The following GABRA3 variants were observed in gnomAD, a reference collection of about 807,000 sequenced individuals.
GABRA3 encodes gamma-aminobutyric acid receptor subunit alpha-3.
Under a neutral mutation model 30.1 loss-of-function variants are expected in GABRA3, and 10 were observed. That is an observed-to-expected ratio of 0.33 (90% CI 0.20 to 0.56). The LOEUF is 0.56. Among genes scored for constraint, GABRA3 ranks in the 20% least tolerant of loss-of-function variants. The pLI, the probability that GABRA3 is intolerant of heterozygous loss-of-function variation, is 0.89. For synonymous variants in GABRA3, 151 were observed against 146.8 expected (o/e 1.03, Z -0.21); for missense variants, 233 against 392.0 (o/e 0.59, Z 3.42).
At chrX:152,391,172 T>C (rs1227740335) in intron 1 of GABRA3, among the ~76,000 whole-genome samples, 1 of 111,775 alleles carries the variant, frequency 8.9e-6, no homozygotes, top group Non-Finnish European at 1.9e-5. Context: ...CACGATACTG[T>C]CAAAATTAAC....
chrX:152,393,444 C>T (rs764083842), intron 1 of GABRA3: 1 of 379,727 alleles, frequency 2.6e-6, no homozygotes, highest in African/African-American at 2.6e-5. Context: ...AAGGTTCCTG[C>T]TCAGAAACCA....
intron 1 of GABRA3, among the ~76,000 whole-genome samples, chrX:152,380,622 G>A (rs1176797485): frequency 8.9e-6 from 1 of 111,793 alleles, no homozygotes; most frequent in East Asian, 2.8e-4. Context: ...ACCCACAAGT[G>A]AGGTTACTGG....
At chrX:152,443,273 C>G (rs757125301) in intron 1 of GABRA3, among the ~76,000 whole-genome samples, 1 of 111,477 alleles carries the variant, frequency 9.0e-6, no homozygotes, top group Non-Finnish European at 1.9e-5. Context: ...ATAAAAGAAA[C>G]ACGTATTAAA....
chrX:152,433,709 A>C, intron 1 of GABRA3, among the ~76,000 whole-genome samples: 1 of 104,370 alleles, frequency 9.6e-6, no homozygotes, highest in East Asian at 2.9e-4. Context: ...GGAAGACCAA[A>C]AAAAAAAAAA....
chrX:152,334,174 T>C (rs1344996201), intron 3 of GABRA3, among the ~76,000 whole-genome samples: 2 of 111,781 alleles, frequency 1.8e-5, no homozygotes, highest in Non-Finnish European at 3.8e-5. Flanking sequence ...ACGTTCCTGT[T>C]AAAAACTTTT....
chrX:152,383,364 G>A (rs1459235823), intron 1 of GABRA3, among the ~76,000 whole-genome samples: 2 of 82,440 alleles, frequency 2.4e-5, no homozygotes, highest in Non-Finnish European at 4.5e-5. Context: ...ACTCCAGCCT[G>A]GGTGACAGAG....
chrX:152,173,247 G>T lies in GABRA3; in HGVS notation c.1144-4684C>A, dbSNP rs754082193. 1.5e-4 allele frequency among the ~76,000 whole-genome samples: 16 copies of T among 108,988 alleles called. No homozygotes were observed. In the Admixed American group the frequency reaches 1.5e-3, roughly 10 times the overall value. 94.6% of individuals were successfully genotyped at this position (108,988 alleles called of 115,157 possible). On this transcript the variant is annotated intron_variant, in intron 9 of 9. Coordinates refer to ENST00000370314, the MANE Select transcript of GABRA3 (RefSeq NM_000808.4). Reference sequence around the variant, plus strand: ...ACTTTCCTGTAAAGGCGGTGGGGGGGTGGGGGTTATCTAGAGCATAAGTGT... The same window carrying T: ...ACTTTCCTGTAAAGGCGGTGGGGGGTTGGGGGTTATCTAGAGCATAAGTGT...
chrX:152,437,284 G>T (rs1173851143), intron 1 of GABRA3, among the ~76,000 whole-genome samples: 1 of 111,896 alleles, frequency 8.9e-6, no homozygotes, highest in African/African-American at 3.2e-5. Flanking sequence ...AATCTGAAAT[G>T]CTTAGGTATA....
chrX:152,296,337 T>C (rs1196663429), intron 3 of GABRA3, among the ~76,000 whole-genome samples: 2 of 112,175 alleles, frequency 1.8e-5, no homozygotes, highest in Admixed American at 1.9e-4. Context: ...TGCTTTGTTC[T>C]CACGTTAACG....
chrX:152,283,556 G>C (rs1406910108), intron 4 of GABRA3, among the ~76,000 whole-genome samples: 1 of 111,776 alleles, frequency 8.9e-6, no homozygotes, highest in Non-Finnish European at 1.9e-5. Context: ...TCAACTCTCA[G>C]GCTCCAGCCT....
At chrX:152,435,861 G>A (rs776211771) in intron 1 of GABRA3, among the ~76,000 whole-genome samples, 49 of 111,312 alleles carry the variant, frequency 4.4e-4, no homozygotes, top group African/African-American at 1.5e-3. Context: ...AAAATTAATT[G>A]TATTGCTATG....
chrX:152,185,451 A>C (rs755358276), intron 9 of GABRA3, among the ~76,000 whole-genome samples: 1 of 111,695 alleles, frequency 9.0e-6, no homozygotes, highest in South Asian at 3.8e-4. Context: ...GTCTAGCTCT[A>C]GAGTTTCTAA....
At chrX:152,408,423 T>A (rs1176781781) in intron 1 of GABRA3, among the ~76,000 whole-genome samples, 1 of 111,668 alleles carries the variant, frequency 9.0e-6, no homozygotes, top group Non-Finnish European at 1.9e-5. Flanking sequence ...CATGTTTATA[T>A]GTCAGCAGTG....
intron 4 of GABRA3, among the ~76,000 whole-genome samples, chrX:152,280,356 G>A (rs947831700): frequency 3.6e-5 from 4 of 111,439 alleles, no homozygotes; most frequent in African/African-American, 1.3e-4. Context: ...ATAGACAAAG[G>A]TTCTCATCCA....
intron 1 of GABRA3, among the ~76,000 whole-genome samples, chrX:152,403,768 A>G (rs752338141): frequency 5.4e-5 from 6 of 110,802 alleles, no homozygotes; most frequent in Non-Finnish European, 9.4e-5. Context: ...TCAAGCAGAA[A>G]GCAATGATTA....
In GABRA3 at chrX:152,167,872, A is replaced by G. The variant is rs1197772730; in HGVS notation, c.*356T>C. ...AATTCTCCTTGTTCTGGGCCTCTCA[A>G]ACAGCCAAGGCTTCCACTATGGAGA... is the stretch of plus-strand genomic sequence containing the variant. On this transcript the variant is annotated 3_prime_UTR_variant, in exon 10 of 10. Coordinates refer to ENST00000370314, the MANE Select transcript of GABRA3 (RefSeq NM_000808.4). The G allele has an allele frequency of 1.0e-5, 2 of 198,207 alleles. No individual in the cohort carries two copies. The highest frequency in any genetic ancestry group is 9.2e-6 in the Non-Finnish European group (1 of 109,243). The allele number at this position is 198,207 out of a possible 1,213,427, so 16.3% of individuals were successfully genotyped here.
intron 5 of GABRA3, among the ~76,000 whole-genome samples, chrX:152,236,376 T>C (rs1319974370): frequency 9.8e-6 from 1 of 102,386 alleles, no homozygotes; most frequent in Middle Eastern, 4.4e-3. Flanking sequence ...TGCCACATTT[T>C]CTTAATCCAG....
rs1287148193 is a variant in GABRA3 at position 152,229,376 on chromosome X, C to G, written c.552-4531G>C. Among the ~76,000 whole-genome samples the G allele has an allele frequency of 3.9e-4, 43 of 111,011 alleles. 1 individual carries two copies. In the Admixed American group the frequency reaches 4.2e-3, roughly 11 times the overall value. ...TGAAAATCTGACGACCTTTTTGGCCCTGCATCTGCACCCTTCTCCCCCACA... is the reference window on the plus strand; with the variant it reads ...TGAAAATCTGACGACCTTTTTGGCCGTGCATCTGCACCCTTCTCCCCCACA... On this transcript the variant is annotated intron_variant, in intron 5 of 9. Transcript: ENST00000370314.
intron 5 of GABRA3, 126 bp downstream of exon 5, chrX:152,255,652 T>G: frequency 1.9e-6 from 1 of 534,935 alleles, no homozygotes; most frequent in Admixed American, 3.0e-5. Flanking sequence ...TTAGGAAGTA[T>G]ATACATACCT....
Sources: gnomAD v4.1 joint callset for allele counts (sites outside exome capture counted in the v4.1 genomes callset) on GRCh38, gnomAD v4.1.1 for gene constraint, MANE v1.5 for transcripts, NCBI Gene and HGNC (gene_info 2026-07-23, HGNC 2026-07-21) for gene names.